Variants in TIMP2 observed in about 807,000 individuals in gnomAD.
TIMP2 encodes the protein TIMP metallopeptidase inhibitor 2.
A neutral mutation model predicts 24.3 loss-of-function variants in TIMP2; 5 were observed. The observed-to-expected ratio is 0.21, with a 90% CI of 0.11 to 0.43. The LOEUF (loss-of-function observed/expected upper bound fraction) is 0.43, where lower values mean the gene tolerates loss of function less well. Among genes scored for constraint, TIMP2 ranks in the 20% least tolerant of loss-of-function variants. The probability of loss-of-function intolerance (pLI) is 1.00; values close to 1 mark genes in which losing one functional copy is unlikely to be tolerated. For synonymous variants in TIMP2, 130 were observed against 123.2 expected, an observed-to-expected ratio of 1.06 and a Z score of -0.37; for missense variants, 221 against 297.5, an observed-to-expected ratio of 0.74 and a Z score of 1.89.
At chr17:78,895,291 A>G (rs2069981182) in intron 1 of TIMP2, among the ~76,000 whole-genome samples, 1 of 152,190 alleles carries the variant, frequency 6.6e-6, no homozygotes, top group Non-Finnish European at 1.5e-5. Flanking sequence ...AAAAATAAAT[A>G]AATAAAAATA....
intron 1 of TIMP2, among the ~76,000 whole-genome samples, chr17:78,909,228 A>T (rs1416791529): frequency 6.6e-6 from 1 of 152,044 alleles, no homozygotes; most frequent in Non-Finnish European, 1.5e-5. Context: ...GGTGGCACAC[A>T]CCTGCAATCC....
At chr17:78,902,726 C>T (rs2070114227) in intron 1 of TIMP2, 1 of 152,270 alleles carries the variant, frequency 6.6e-6, no homozygotes, top group African/African-American at 2.4e-5. Flanking sequence ...GCTGATGCAA[C>T]CGGTGGCTCA....
intron 1 of TIMP2, among the ~76,000 whole-genome samples, chr17:78,894,792 A>G (rs904737356): frequency 1.3e-5 from 2 of 152,198 alleles, no homozygotes; most frequent in African/African-American, 4.8e-5. Context: ...AAAGAAACGG[A>G]TAAGCTGAAC....
intron 1 of TIMP2, among the ~76,000 whole-genome samples, chr17:78,876,400 T>G (rs56305453): frequency 6.6e-6 from 1 of 151,894 alleles, no homozygotes; most frequent in African/African-American, 2.4e-5. Flanking sequence ...TCCCCACCCC[T>G]GCTAGGCTGG....
At chr17:78,885,902 G>T (rs188001424) in intron 1 of TIMP2, among the ~76,000 whole-genome samples, 1 of 152,290 alleles carries the variant, frequency 6.6e-6, no homozygotes, top group Non-Finnish European at 1.5e-5. Context: ...CCTTTCTACC[G>T]CAGTCCAGCT....
intron 3 of TIMP2, among the ~76,000 whole-genome samples, chr17:78,865,977 TACTTTAAAGGCTGTTCCCTGTGGA>T (rs1321156398): frequency 6.6e-6 from 1 of 151,450 alleles, no homozygotes; most frequent in Non-Finnish European, 1.5e-5. Context: ...GGCTGGGACT[TACTTTAAAGGCTGTTCCCTGTGGA>T]TAGGAACAAA....
chr17:78,913,883 C>T (rs1477688859), intron 1 of TIMP2, among the ~76,000 whole-genome samples: 1 of 110,996 alleles, frequency 9.0e-6, no homozygotes, highest in East Asian at 2.4e-4. Context: ...CGGAGCGAAA[C>T]TCTGTCTCGG....
Position 78,874,742 on chromosome 17 carries a change from T to A in TIMP2, c.131-823A>T, listed in dbSNP as rs573071362. Among the ~76,000 whole-genome samples the A allele has an allele frequency of 2.0e-5, 3 of 148,890 alleles. No homozygotes were observed. The East Asian group carries it at 6.1e-4, about 30-fold the overall frequency. On this transcript the variant is annotated intron_variant, in intron 1 of 4. Coordinates refer to ENST00000262768, the MANE Select transcript of TIMP2 (RefSeq NM_003255.5). ...ACAGGCGTCTGTCACCACGCCCGGT[T>A]AATTTTTTTTTTTTTTCAGACGGAG...
At chr17:78,886,139 C>T (rs1281614114) in intron 1 of TIMP2, among the ~76,000 whole-genome samples, 1 of 152,184 alleles carries the variant, frequency 6.6e-6, no homozygotes, top group Non-Finnish European at 1.5e-5. Flanking sequence ...GGTCCTGCTG[C>T]CAGGGGACAG....
intron 2 of TIMP2, 145 bp downstream of exon 2, chr17:78,873,674 G>C (rs2069704748): frequency 6.5e-6 from 4 of 611,352 alleles, no homozygotes; most frequent in Admixed American, 3.1e-5. Flanking sequence ...AGGGAAATCG[G>C]ATCTATTTGC....
intron 2 of TIMP2, among the ~76,000 whole-genome samples, chr17:78,872,048 G>A (rs1314368426): frequency 1.3e-5 from 2 of 151,552 alleles, no homozygotes; most frequent in Non-Finnish European, 2.9e-5. Context: ...GTCTCACTCT[G>A]TTGCTCAGGC....
In TIMP2 at chr17:78,925,017, G is replaced by T; in HGVS notation, c.72C>A (p.Ala24=). The part of the protein sequence containing the change: ...LLLLATLLRP[A]DACSCSPVHP... ...GCACCGGGGAGCAGCTGCAGGCGTC[G>T]GCCGGGCGAAGCAGCGTCGCCAGCA... Residue 24 remains alanine, a synonymous_variant, in exon 1 of 5, where the codon GCC becomes GCA. Transcript: ENST00000262768. The T allele has an allele frequency of 7.8e-7, 1 of 1,287,460 alleles. No individual in the cohort carries two copies. The allele number at this position is 1,287,460 out of a possible 1,614,324, so 79.8% of individuals were successfully genotyped here.
At chr17:78,873,780 G>A in intron 2 of TIMP2, 39 bp downstream of exon 2, 1 of 1,561,952 alleles carries the variant, frequency 6.4e-7, no homozygotes, top group Non-Finnish European at 8.8e-7. Context: ...CCACAGCTGT[G>A]CCCACAGTGC....
intron 1 of TIMP2, among the ~76,000 whole-genome samples, chr17:78,918,663 A>C (rs2070284243): frequency 6.6e-6 from 1 of 152,192 alleles, no homozygotes; most frequent in Non-Finnish European, 1.5e-5. Flanking sequence ...CAACAAAAAC[A>C]AAACCTTGGC....
At chr17:78,910,050 GT>G (rs2070194184) in intron 1 of TIMP2, among the ~76,000 whole-genome samples, 1 of 152,138 alleles carries the variant, frequency 6.6e-6, no homozygotes, top group South Asian at 2.1e-4. Context: ...ATATAGTGAT[GT>G]TTAGATACAT....
At chr17:78,867,459 G>T (rs2069626657) in intron 3 of TIMP2, among the ~76,000 whole-genome samples, 1 of 151,984 alleles carries the variant, frequency 6.6e-6, no homozygotes, top group Non-Finnish European at 1.5e-5. Context: ...AGTCTTCCCT[G>T]CCCAACTCAC....
intron 1 of TIMP2, among the ~76,000 whole-genome samples, chr17:78,918,065 AACACACAC>A (rs57256110): frequency 1.8e-4 from 26 of 144,934 alleles, no homozygotes; most frequent in South Asian, 4.4e-4. Flanking sequence ...TGCACACACA[AACACACAC>A]ACACACACAC....
chr17:78,895,420 A>C (rs1023350933), intron 1 of TIMP2, among the ~76,000 whole-genome samples: 3 of 152,356 alleles, frequency 2.0e-5, no homozygotes, highest in African/African-American at 7.2e-5. Context: ...CTGACCCTGC[A>C]GTGTCCTGCC....
intron 1 of TIMP2, among the ~76,000 whole-genome samples, chr17:78,893,419 G>C (rs1224084151): frequency 8.1e-6 from 1 of 123,836 alleles, no homozygotes; most frequent in South Asian, 2.6e-4. Context: ...GTGCATAGGG[G>C]TGTGTGTGCA....
Sources: gnomAD v4.1 joint callset for allele counts (sites outside exome capture counted in the v4.1 genomes callset) on GRCh38, gnomAD v4.1.1 for gene constraint, MANE v1.5 for transcripts, NCBI Gene and HGNC (gene_info 2026-07-23, HGNC 2026-07-21) for gene names.